The following CFAP47 variants were observed in gnomAD, a reference collection of about 807,000 sequenced individuals.
The protein encoded by CFAP47 is cilia and flagella associated protein 47, also known as cilia- and flagella-associated protein 47.
In CFAP47, 29 loss-of-function variants were observed where a neutral mutation model predicts 148.1. That is an observed-to-expected ratio of 0.20 (90% CI 0.15 to 0.27). The LOEUF (loss-of-function observed/expected upper bound fraction) is 0.27. Ranked by LOEUF, CFAP47 falls within the 10% of genes least tolerant of loss-of-function variation. The probability of loss-of-function intolerance (pLI) is 1.00; values close to 1 mark genes in which losing one functional copy is unlikely to be tolerated. For missense variants in CFAP47, 1,872 were observed against 1,697.5 expected, an observed-to-expected ratio of 1.10 and a Z score of -1.81; for synonymous variants, 664 against 577.3, an observed-to-expected ratio of 1.15 and a Z score of -2.15.
chrX:35,936,396 CTATT>C (rs1486583474), intron 2 of CFAP47, among the ~76,000 whole-genome samples: 2 of 106,347 alleles, frequency 1.9e-5, no homozygotes, highest in African/African-American at 6.8e-5. Flanking sequence ...CTGAGATTTT[CTATT>C]TATTCATTAG....
chrX:35,924,022 C>T (rs745332370), intron 1 of CFAP47, among the ~76,000 whole-genome samples: 2 of 80,715 alleles, frequency 2.5e-5, no homozygotes, highest in Non-Finnish European at 4.8e-5. Context: ...TATATATGCA[C>T]ATATATATGC....
At chrX:36,033,647 C>T (rs1015311132) in intron 23 of CFAP47, among the ~76,000 whole-genome samples, 2 of 111,117 alleles carry the variant, frequency 1.8e-5, no homozygotes, top group African/African-American at 6.5e-5. Context: ...TAAATAGATG[C>T]TTGAGTACTT....
At position 36,186,870 on chromosome X, in the gene CFAP47, T is replaced by A. The variant is rs980492052; in HGVS notation, c.6105-1750T>A. On this transcript the variant is annotated intron_variant, in intron 40 of 63. Transcript: ENST00000378653. The stretch of plus-strand genomic sequence containing the variant: ...GTTGTTCTACAGTATTTTTTTTTTT[T>A]ATAATTTTAGCCTCTTTTGATTCTA... Among the ~76,000 whole-genome samples the A allele has an allele frequency of 7.2e-5, 8 of 110,443 alleles. 1 individual carries two copies. Among genetic ancestry groups the A allele is most frequent in the Non-Finnish European group, 1.3e-4 (7 of 52,644 alleles).
At chrX:36,202,245 C>A (rs1939988546) in intron 44 of CFAP47, among the ~76,000 whole-genome samples, 1 of 111,321 alleles carries the variant, frequency 9.0e-6, no homozygotes, top group Admixed American at 9.5e-5. Context: ...ACAATCTATT[C>A]TCACAGAGCA....
rs148244833 is a variant in CFAP47 at position 36,012,650 on chromosome X, A to T, written c.3418-2124A>T. ...GGACACAGGGAGGGGGACAACACACAGTGGGGCCTGTTGGTGGTTGGAGGG... is the reference window on the plus strand; with the variant it reads ...GGACACAGGGAGGGGGACAACACACTGTGGGGCCTGTTGGTGGTTGGAGGG... On this transcript the variant is annotated intron_variant, in intron 21 of 63. Transcript: ENST00000378653. Among the ~76,000 whole-genome samples, 540 of 110,963 alleles carry T rather than the reference A, an allele frequency of 4.9e-3. 2 individuals carry two copies. The highest frequency in any genetic ancestry group is 0.017 in the African/African-American group (505 of 30,460).
At chrX:36,300,294 A>AT (rs11393119) in intron 52 of CFAP47, among the ~76,000 whole-genome samples, 26,330 of 100,541 alleles carry the variant, frequency 0.26, 3,919 homozygotes, top group African/African-American at 0.52. Flanking sequence ...AGTTATACTT[A>AT]TTTTTTTTTT....
chrX:36,262,893 TTGGATATA>T (rs1158628692), intron 49 of CFAP47, among the ~76,000 whole-genome samples: 2 of 112,259 alleles, frequency 1.8e-5, no homozygotes, highest in Non-Finnish European at 3.8e-5. Flanking sequence ...TGCCTGCCTT[TTGGATATA>T]AGCCATGTTG....
intron 30 of CFAP47, among the ~76,000 whole-genome samples, chrX:36,092,470 C>T (rs1211303669): frequency 9.0e-6 from 1 of 110,805 alleles, no homozygotes; most frequent in Admixed American, 9.6e-5. Context: ...ATTCATAAAA[C>T]TCTTTGTGTT....
At chrX:36,008,169 G>A (rs900596111) in intron 21 of CFAP47, among the ~76,000 whole-genome samples, 1 of 111,050 alleles carries the variant, frequency 9.0e-6, no homozygotes, top group African/African-American at 3.3e-5. Flanking sequence ...CTTTATTTCA[G>A]TCATTCTCCA....
At chrX:36,190,506 A>T (rs1555986327) in intron 42 of CFAP47, among the ~76,000 whole-genome samples, 1 of 112,365 alleles carries the variant, frequency 8.9e-6, no homozygotes. Flanking sequence ...CATGCTTATT[A>T]TCTCACAGTT....
At chrX:36,148,916 T>G (rs1939272017) in intron 36 of CFAP47, among the ~76,000 whole-genome samples, 192 bp from the exon 37 acceptor site, 1 of 109,672 alleles carries the variant, frequency 9.1e-6, no homozygotes, top group Non-Finnish European at 1.9e-5. Flanking sequence ...TGTGTGTGTG[T>G]GTGTGTGTGT....
At chrX:36,120,485 T>C (rs1198987414) in intron 33 of CFAP47, among the ~76,000 whole-genome samples, 5 of 111,591 alleles carry the variant, frequency 4.5e-5, no homozygotes, top group Non-Finnish European at 9.4e-5. Context: ...TTTCCTGTTT[T>C]TAAGGCAGGC....
At chrX:36,319,380 G>T (rs1556011654) in intron 57 of CFAP47, 73 bp downstream of exon 57, 4 of 428,234 alleles carry the variant, frequency 9.3e-6, no homozygotes, top group African/African-American at 7.9e-5. Context: ...ATATATGTCT[G>T]TTGCCTTAGT....
chrX:36,083,473 C>T (rs188991179), intron 29 of CFAP47, among the ~76,000 whole-genome samples: 81 of 111,316 alleles, frequency 7.3e-4, no homozygotes, highest in African/African-American at 2.4e-3. Context: ...GGGCATCCTG[C>T]CCATTCATAC....
intron 26 of CFAP47, among the ~76,000 whole-genome samples, chrX:36,056,499 C>T (rs768197539): frequency 3.5e-4 from 39 of 112,167 alleles, no homozygotes; most frequent in Non-Finnish European, 6.0e-4. Flanking sequence ...TACTGACCAG[C>T]GTGTATCTCT....
chrX:35,929,098 ATTC>A (rs1357875630), intron 2 of CFAP47, among the ~76,000 whole-genome samples: 2 of 111,235 alleles, frequency 1.8e-5, no homozygotes, highest in Non-Finnish European at 3.8e-5. Flanking sequence ...CTCACGTGTT[ATTC>A]TTCTTTGTCA....
chrX:36,275,457 T>TGTGTGTGTGTG (rs1569306100), intron 49 of CFAP47, among the ~76,000 whole-genome samples: 3 of 108,254 alleles, frequency 2.8e-5, no homozygotes, highest in African/African-American at 1.0e-4. Context: ...TGTGTGTGTG[T>TGTGTGTGTGTG]TTTCCTACAT....
At position 36,361,489 on chromosome X, in the gene CFAP47, A is replaced by C. The variant is rs1556019244; in HGVS notation, c.9011A>C (p.Lys3004Thr). Reference protein sequence around the residue: ...TFIFNLVFTPKKPLRSHITLK... With the variant: ...TFIFNLVFTPTKPLRSHITLK... ...ATCTTCAATCTGGTATTCACACCAA[A>C]GAAACCATTAAGGTAAATCTACTTT... Residue 3004 changes from lysine (K) to threonine (T), a missense_variant, in exon 61 of 64, where the codon AAG becomes ACG. Coordinates refer to ENST00000378653, the MANE Select transcript of CFAP47 (RefSeq NM_001304548.2). 9.8e-7 allele frequency: 1 copy of C among 1,019,363 alleles called. No homozygotes were observed. The highest frequency in any genetic ancestry group is 1.3e-6 in the Non-Finnish European group (1 of 760,616). The allele number at this position is 1,019,363 out of a possible 1,213,427, so 84.0% of individuals were successfully genotyped here. A position where few individuals can be genotyped will look rare whatever the true frequency, so the allele number is the denominator to read the frequency against.
At chrX:35,924,779 G>T (rs1207563994) in intron 1 of CFAP47, among the ~76,000 whole-genome samples, 1 of 110,979 alleles carries the variant, frequency 9.0e-6, no homozygotes, top group Admixed American at 9.6e-5. Context: ...TGCATTGTCA[G>T]ATTCAAGTTG....
Sources: gnomAD v4.1 joint callset for allele counts (sites outside exome capture counted in the v4.1 genomes callset) on GRCh38, gnomAD v4.1.1 for gene constraint, MANE v1.5 for transcripts, NCBI Gene and HGNC (gene_info 2026-07-23, HGNC 2026-07-21) for gene names.